GRIK4: variants seen among roughly 807,000 people sequenced by gnomAD.
GRIK4 encodes the protein glutamate receptor ionotropic, kainate 4.
Under a neutral mutation model 104.9 loss-of-function variants are expected in GRIK4, and 40 were observed. The ratio of observed to expected loss-of-function variants is 0.38; its 90% CI spans 0.30 to 0.50. The LOEUF (loss-of-function observed/expected upper bound fraction) is 0.50, where lower values mean the gene tolerates loss of function less well. Among genes scored for constraint, GRIK4 ranks in the 20% least tolerant of loss-of-function variants. GRIK4 has a pLI of 0.93. For synonymous variants in GRIK4, 485 were observed against 524.9 expected, an observed-to-expected ratio of 0.92 and a Z score of 1.04; for missense variants, 1,047 against 1,308.1, an observed-to-expected ratio of 0.80 and a Z score of 3.08.
chr11:120,817,220 T>G (rs959513113), intron 5 of GRIK4, among the ~76,000 whole-genome samples: 14 of 152,218 alleles, frequency 9.2e-5, no homozygotes, highest in South Asian at 6.2e-4. Context: ...GGCCTCCTTT[T>G]GGGGTTCAGT....
intron 1 of GRIK4, among the ~76,000 whole-genome samples, chr11:120,522,489 T>C (rs1412512358): frequency 2.0e-5 from 3 of 152,084 alleles, no homozygotes; most frequent in African/African-American, 7.2e-5. Flanking sequence ...ACCCGGCTAA[T>C]TTTTGTATTT....
At chr11:120,860,384 C>G (rs1309536768) in intron 8 of GRIK4, among the ~76,000 whole-genome samples, 1 of 152,162 alleles carries the variant, frequency 6.6e-6, no homozygotes. Context: ...AGGACACTGC[C>G]CCTCTCTATA....
At chr11:120,626,314 C>T (rs943090015) in intron 1 of GRIK4, among the ~76,000 whole-genome samples, 3 of 152,146 alleles carry the variant, frequency 2.0e-5, no homozygotes, top group African/African-American at 7.2e-5. Context: ...GGAAGAAAGG[C>T]CAGGGAAGGG....
chr11:120,956,742 C>T lies in GRIK4; in HGVS notation c.1701-38C>T. 3 of 1,445,904 alleles carry T rather than the reference C, an allele frequency of 2.1e-6. No individual in the cohort carries two copies. Among genetic ancestry groups the T allele is most frequent in the Non-Finnish European group, 2.8e-6 (3 of 1,078,372 alleles). The allele number at this position is 1,445,904 out of a possible 1,614,324, so 89.6% of individuals were successfully genotyped here. On this transcript the variant is annotated intron_variant, in intron 15 of 20. Transcript: ENST00000527524. The surrounding 1 kb of genome is among the most constrained non-coding windows in gnomAD (Gnocchi z 4.6). ...CCTGCCTGTGTCCCTTCACACCCCG[C>T]CTCTGTGGCACTAGTGTATGTTCCT...
intron 3 of GRIK4, among the ~76,000 whole-genome samples, chr11:120,793,872 G>A (rs1591921501): frequency 6.6e-6 from 1 of 150,794 alleles, no homozygotes; most frequent in South Asian, 2.1e-4. Context: ...CTGAGAGCCA[G>A]GTGATGGTTG....
intron 3 of GRIK4, among the ~76,000 whole-genome samples, chr11:120,700,586 G>A (rs942517198): frequency 6.6e-6 from 1 of 152,148 alleles, no homozygotes; most frequent in Non-Finnish European, 1.5e-5. Flanking sequence ...AGCCTCCTGA[G>A]TAGCTGGGAT....
At chr11:120,608,178 G>A (rs1171008066) in intron 1 of GRIK4, among the ~76,000 whole-genome samples, 1 of 152,210 alleles carries the variant, frequency 6.6e-6, no homozygotes, top group African/African-American at 2.4e-5. Context: ...AGATAGGAGA[G>A]GCTGAGGTCA....
chr11:120,753,110 C>T (rs1951586198), intron 3 of GRIK4, among the ~76,000 whole-genome samples: 2 of 152,206 alleles, frequency 1.3e-5, no homozygotes. Context: ...AGCAGCTGAG[C>T]ACGGATGGGT....
chr11:120,978,995 C>T (rs777788574), intron 19 of GRIK4, among the ~76,000 whole-genome samples: 5 of 152,144 alleles, frequency 3.3e-5, no homozygotes, highest in Admixed American at 6.5e-5. Context: ...TTTAGTGGTG[C>T]AAGACAAAAT....
At chr11:120,889,729 G>A (rs561064837) in intron 11 of GRIK4, among the ~76,000 whole-genome samples, 19 of 149,898 alleles carry the variant, frequency 1.3e-4, no homozygotes, top group Admixed American at 3.4e-4. Flanking sequence ...CTCAGCCTCC[G>A]GAGTAGTTAT....
chr11:120,928,588 T>C (rs954086238), intron 13 of GRIK4, among the ~76,000 whole-genome samples: 1 of 152,116 alleles, frequency 6.6e-6, no homozygotes, highest in African/African-American at 2.4e-5. Flanking sequence ...GCTTGGCCTC[T>C]TGAGTCAGCT....
chr11:120,963,420 A>T (rs1430486391), intron 18 of GRIK4, among the ~76,000 whole-genome samples: 1 of 152,174 alleles, frequency 6.6e-6, no homozygotes, highest in Non-Finnish European at 1.5e-5. Flanking sequence ...AGGAGAGAAC[A>T]TGTTTAGCTG....
intron 5 of GRIK4, among the ~76,000 whole-genome samples, chr11:120,816,904 C>A (rs182004146): frequency 6.6e-6 from 1 of 152,202 alleles, no homozygotes; most frequent in Admixed American, 6.5e-5. Flanking sequence ...AACTCTGAGG[C>A]CAGCCCAGGC....
In GRIK4 at chr11:120,524,391, G is replaced by A. The variant is rs903583207; in HGVS notation, c.-159+12504G>A. On this transcript the variant is annotated intron_variant, in intron 1 of 20. Transcript: ENST00000527524. The surrounding 1 kb of genome is among the most constrained non-coding windows in gnomAD (Gnocchi z 4.5). Reference sequence around the variant, plus strand: ...TGGAAAGCTTGGATGGGCCGCCTTCGACTCGCAGATGTATGGGATTGAAAA... The same window carrying A: ...TGGAAAGCTTGGATGGGCCGCCTTCAACTCGCAGATGTATGGGATTGAAAA... Among the ~76,000 whole-genome samples, 2 of 152,140 alleles carry A rather than the reference G, an allele frequency of 1.3e-5. No homozygotes were observed. Among genetic ancestry groups the A allele is most frequent in the African/African-American group, 2.4e-5 (1 of 41,448 alleles).
chr11:120,773,955 A>C (rs1284006989), intron 3 of GRIK4, among the ~76,000 whole-genome samples: 1 of 152,188 alleles, frequency 6.6e-6, no homozygotes, highest in South Asian at 2.1e-4. Flanking sequence ...CTTGGCCACA[A>C]AGGATTCCCA....
intron 3 of GRIK4, among the ~76,000 whole-genome samples, chr11:120,755,918 C>T (rs764440035): frequency 5.3e-5 from 8 of 152,092 alleles, no homozygotes; most frequent in Non-Finnish European, 1.2e-4. Flanking sequence ...GAAACTGTAA[C>T]TTGGGGAGGT....
At chr11:120,983,074 C>G (rs1329214921) in intron 20 of GRIK4, among the ~76,000 whole-genome samples, 1 of 152,152 alleles carries the variant, frequency 6.6e-6, no homozygotes, top group Non-Finnish European at 1.5e-5. Context: ...AAAACCCCCA[C>G]TAAACATCTC....
intron 13 of GRIK4, among the ~76,000 whole-genome samples, chr11:120,937,331 G>A (rs751773869): frequency 1.3e-5 from 2 of 152,148 alleles, no homozygotes; most frequent in Admixed American, 6.6e-5. Context: ...GAGCCACTGC[G>A]CCCAGCCATA....
chr11:120,628,722 G>C (rs1425249768), intron 1 of GRIK4, among the ~76,000 whole-genome samples: 1 of 152,204 alleles, frequency 6.6e-6, no homozygotes, highest in Non-Finnish European at 1.5e-5. Context: ...GGTGAGTCCA[G>C]AGGCCATGGC....
Sources: allele counts gnomAD v4.1 joint callset (sites outside exome capture counted in the v4.1 genomes callset), GRCh38; gene constraint gnomAD v4.1.1; non-coding constraint Gnocchi (gnomAD v3.1); transcripts MANE v1.5; gene names NCBI Gene and HGNC (gene_info 2026-07-23, HGNC 2026-07-21).